CD46: variants seen among roughly 807,000 people sequenced by gnomAD.
CD46 encodes CD46 molecule.
CD46 carries 30 observed loss-of-function variants against 53.3 expected under a neutral mutation model. The observed-to-expected ratio is 0.56, with a 90% confidence interval of 0.42 to 0.76. CD46 has a LOEUF of 0.76. CD46 is among the 30% of genes least tolerant of loss of function. The probability of loss-of-function intolerance (pLI) is 0.00; values close to 1 mark genes in which losing one functional copy is unlikely to be tolerated. For synonymous variants in CD46, 142 were observed against 152.0 expected (o/e 0.93, Z 0.48); for missense variants, 409 against 463.0 (o/e 0.88, Z 1.07).
At chr1:207,760,147 G>T in intron 4 of CD46, 1 of 164,292 alleles carries the variant, frequency 6.1e-6, no homozygotes, top group Non-Finnish European at 1.3e-5. Context: ...CAAAGTGCTG[G>T]GATTACAAAT....
At chr1:207,771,691 A>G (rs901746893) in intron 8 of CD46, among the ~76,000 whole-genome samples, 5 of 152,172 alleles carry the variant, frequency 3.3e-5, no homozygotes, top group African/African-American at 1.2e-4. Context: ...AGGTTTGTCA[A>G]AGATCAGATG....
chr1:207,783,508 G>T, intron 9 of CD46, 178 bp downstream of exon 9: 1 of 495,684 alleles, frequency 2.0e-6, no homozygotes, highest in African/African-American at 2.0e-5. Flanking sequence ...ACATTATATT[G>T]TTATTTTGTG....
chr1:207,783,235 A>T, intron 8 of CD46, 57 bp from the exon 9 acceptor site: 1 of 938,926 alleles, frequency 1.1e-6, no homozygotes, highest in Non-Finnish European at 1.7e-6. Flanking sequence ...TTTAAGCTTT[A>T]TATTTAATTC....
At chr1:207,774,466 T>A (rs1368723646) in intron 8 of CD46, among the ~76,000 whole-genome samples, 1 of 152,252 alleles carries the variant, frequency 6.6e-6, no homozygotes, top group Non-Finnish European at 1.5e-5. Context: ...TGATGCAGTT[T>A]CTTCATAGCA....
intron 1 of CD46, among the ~76,000 whole-genome samples, chr1:207,756,034 T>A (rs913606916): frequency 1.5e-4 from 22 of 151,334 alleles, no homozygotes; most frequent in Non-Finnish European, 1.5e-5. Flanking sequence ...CAGGGGAGAG[T>A]CCAGGGGAAG....
chr1:207,768,777 G>C (rs993868840), intron 7 of CD46: 8 of 152,162 alleles, frequency 5.3e-5, no homozygotes, highest in Admixed American at 1.3e-4. Flanking sequence ...GTAATTGTGG[G>C]TAGCACTTCA....
Position 207,767,014 on chromosome 1 carries a change from G to A in CD46, c.675G>A (p.Val225=). Residue 225 remains valine, a splice_region_variant and synonymous_variant, in exon 6 of 13, where the codon GTG becomes GTA. Transcript: ENST00000367042. ...VWSRAAPECK[V]VKCRFPVVEN... is the part of the protein sequence containing the mutation. ...TCTGAGGTTTCTCTAATTTTCCAGT[G>A]GTCAAATGTCGATTTCCAGTAGTCG... The A allele has an allele frequency of 6.2e-7, 1 of 1,612,604 alleles. No homozygotes were observed. Among genetic ancestry groups the A allele is most frequent in the African/African-American group, 1.3e-5 (1 of 74,982 alleles).
At chr1:207,768,067 T>C in intron 7 of CD46, 1 of 455,564 alleles carries the variant, frequency 2.2e-6, no homozygotes. Context: ...TATATATATG[T>C]TTACATTATA....
chr1:207,794,191 G>A lies in CD46; in HGVS notation c.*714G>A, dbSNP rs1205394676. The A allele has an allele frequency of 2.6e-5, 4 of 153,404 alleles. No homozygotes were observed. The highest frequency in any genetic ancestry group is 4.4e-5 in the Non-Finnish European group (3 of 68,914). 9.5% of individuals were successfully genotyped at this position (153,404 alleles called of 1,614,324 possible). A position where few individuals can be genotyped will look rare whatever the true frequency, so the allele number is the denominator to read the frequency against. On this transcript the variant is annotated 3_prime_UTR_variant, in exon 13 of 13. Coordinates refer to ENST00000367042, the MANE Select transcript of CD46 (RefSeq NM_172351.3). ...TTCTCTATTTTTTGTAATGTGTTCGGTGATTTCAGAAAGCTAGAAAGTGTA... is the reference window on the plus strand; with the variant it reads ...TTCTCTATTTTTTGTAATGTGTTCGATGATTTCAGAAAGCTAGAAAGTGTA...
rs528196417 is a variant in CD46 at position 207,790,010 on chromosome 1, C to T, written c.1083-243C>T. ...TGGCTTCAAAGATAAACATATTAAA[C>T]AGGAATTTCCAGTCTGTTTATCTGC... On this transcript the variant is annotated intron_variant, in intron 11 of 12. Coordinates refer to ENST00000367042, the MANE Select transcript of CD46 (RefSeq NM_172351.3). Among the ~76,000 whole-genome samples the T allele has an allele frequency of 6.0e-5, 9 of 150,310 alleles. 1 individual carries two copies. The South Asian group carries it at 1.7e-3, about 28-fold the overall frequency.
chr1:207,774,855 A>C (rs141544565), intron 8 of CD46, among the ~76,000 whole-genome samples: 1 of 152,024 alleles, frequency 6.6e-6, no homozygotes, highest in Non-Finnish European at 1.5e-5. Context: ...TCTGACGATT[A>C]TGTGTCTTGG....
intron 8 of CD46, among the ~76,000 whole-genome samples, chr1:207,779,921 T>TTTTTTTTTTTTTTTTTC: frequency 6.9e-6 from 1 of 145,958 alleles, no homozygotes; most frequent in Non-Finnish European, 1.5e-5. Flanking sequence ...GTCTTTTTTT[T>TTTTTTTTTTTTTTTTTC]TTTTTTTTTT....
At chr1:207,761,156 C>G in intron 4 of CD46, 93 bp from the exon 5 acceptor site, 1 of 768,208 alleles carries the variant, frequency 1.3e-6, no homozygotes, top group Non-Finnish European at 2.2e-6. Flanking sequence ...CTTGTAGAAA[C>G]CCTATATTGA....
At chr1:207,770,497 GCA>G (rs1657388465) in intron 8 of CD46, 135 bp downstream of exon 8, 2 of 669,976 alleles carry the variant, frequency 3.0e-6, no homozygotes, top group Non-Finnish European at 5.4e-6. Flanking sequence ...TTGGTTTGCT[GCA>G]CCCATCAACT....
At chr1:207,760,939 C>A (rs1437625562) in intron 4 of CD46, 14 of 364,444 alleles carry the variant, frequency 3.8e-5, no homozygotes, top group Non-Finnish European at 7.3e-5. Flanking sequence ...CAGACCCCTC[C>A]CACCAGGCCC....
rs1053413980 is a variant in CD46 at position 207,795,394 on chromosome 1, C to G, written c.*1917C>G. The G allele has an allele frequency of 5.3e-5, 8 of 152,100 alleles. 1 individual carries two copies. The East Asian group carries it at 1.5e-3, about 29-fold the overall frequency. 9.4% of individuals were successfully genotyped at this position (152,100 alleles called of 1,614,324 possible). ...TATGAATTCAAGAAAATTTAAGCTG[C>G]AAAAATGTATTTGCTATAAAATGAG... On this transcript the variant is annotated 3_prime_UTR_variant, in exon 13 of 13. Coordinates refer to ENST00000367042, the MANE Select transcript of CD46 (RefSeq NM_172351.3).
At chr1:207,791,742 C>A (rs1659818627) in intron 12 of CD46, among the ~76,000 whole-genome samples, 1 of 152,156 alleles carries the variant, frequency 6.6e-6, no homozygotes, top group Non-Finnish European at 1.5e-5. Flanking sequence ...GAGACTAAAG[C>A]CAACTAGGAA....
intron 12 of CD46, 123 bp from the exon 13 acceptor site, chr1:207,793,396 C>T (rs1659981113): frequency 1.4e-6 from 1 of 723,978 alleles, no homozygotes; most frequent in Non-Finnish European, 2.4e-6. Flanking sequence ...TAATTTATTT[C>T]CCAGGTTGGT....
intron 8 of CD46, among the ~76,000 whole-genome samples, chr1:207,776,276 G>T (rs1658092421): frequency 6.6e-6 from 1 of 152,262 alleles, no homozygotes; most frequent in South Asian, 2.1e-4. Flanking sequence ...GGTACAGTCT[G>T]TCACGGCTTC....
Sources: gnomAD v4.1 joint callset for allele counts (sites outside exome capture counted in the v4.1 genomes callset) on GRCh38, gnomAD v4.1.1 for gene constraint, MANE v1.5 for transcripts, NCBI Gene and HGNC (gene_info 2026-07-23, HGNC 2026-07-21) for gene names.